FAAH2: variants seen among roughly 807,000 people sequenced by gnomAD.
The protein encoded by FAAH2 is fatty acid amide hydrolase 2, also known as fatty-acid amide hydrolase 2.
A neutral mutation model predicts 36.9 loss-of-function variants in FAAH2; 60 were observed. That is an observed-to-expected ratio of 1.63 (90% confidence interval 1.32 to 2.02). The LOEUF (loss-of-function observed/expected upper bound fraction) is 2.02, where lower values mean the gene tolerates loss of function less well. Ranked by LOEUF, FAAH2 falls within the 30% of genes most tolerant of loss-of-function variation. The pLI, the probability that FAAH2 is intolerant of heterozygous loss-of-function variation, is 0.00. For missense variants in FAAH2, 689 were observed against 397.5 expected (o/e 1.73, Z -6.23); for synonymous variants, 214 against 143.8 (o/e 1.49, Z -3.49).
At chrX:57,476,784 T>C (rs916202009) in intron 10 of FAAH2, among the ~76,000 whole-genome samples, 1 of 111,276 alleles carries the variant, frequency 9.0e-6, no homozygotes, top group African/African-American at 3.3e-5. Flanking sequence ...TTTGTATATA[T>C]GGTAGAATTT....
intron 3 of FAAH2, among the ~76,000 whole-genome samples, chrX:57,318,697 AC>A (rs1029140052): frequency 2.7e-5 from 3 of 111,420 alleles, no homozygotes; most frequent in African/African-American, 9.8e-5. Flanking sequence ...CTGATAACAA[AC>A]CCTGGCAGAG....
At chrX:57,189,295 T>A in the FAAH2 span, among the ~76,000 whole-genome samples, 1 of 110,375 alleles carries the variant, frequency 9.1e-6, no homozygotes, top group South Asian at 3.9e-4. Context: ...TGTAACCTTT[T>A]GTCAAGGTTC....
chrX:57,415,132 G>T (rs1382650831), intron 7 of FAAH2, among the ~76,000 whole-genome samples: 1 of 107,645 alleles, frequency 9.3e-6, no homozygotes. Context: ...TTCTTTATTA[G>T]TCTGGCTAGC....
chrX:57,206,941 C>T, the FAAH2 span, among the ~76,000 whole-genome samples: 1 of 111,604 alleles, frequency 9.0e-6, no homozygotes, highest in Non-Finnish European at 1.9e-5. Context: ...TCCTCTAAAG[C>T]CTCCAGTTTC....
chrX:57,366,216 C>A (rs1390054627), intron 5 of FAAH2, among the ~76,000 whole-genome samples: 3 of 111,031 alleles, frequency 2.7e-5, no homozygotes, highest in African/African-American at 9.8e-5. Context: ...TTGGATGAGG[C>A]TTTTGCTTTT....
Position 57,446,979 on chromosome X carries a change from C to A in FAAH2, c.1168C>A (p.Pro390Thr). 8.3e-7 allele frequency: 1 copy of A among 1,210,259 alleles called. No homozygotes were observed. Among genetic ancestry groups the A allele is most frequent in the Non-Finnish European group, 1.1e-6 (1 of 894,794 alleles). Residue 390 changes from proline to threonine, a missense_variant, in exon 9 of 11, where the codon CCT becomes ACT. Pro to Thr is a conservative substitution (Grantham distance 38). Coordinates refer to ENST00000374900, the MANE Select transcript of FAAH2 (RefSeq NM_174912.4). ...LLGDHGKHVS[P>T]LWELIKWCLG... ...TGGTGACCATGGGAAACATGTCAGT[C>A]CTCTGTGGGAGTTGATCAAATGGTG...
the FAAH2 span, among the ~76,000 whole-genome samples, chrX:57,225,121 T>A: frequency 5.6e-5 from 6 of 106,778 alleles, no homozygotes; most frequent in Non-Finnish European, 8.0e-5. Context: ...TTTCGTAAAA[T>A]TTTTTTTTTC....
chrX:57,429,131 C>A (rs750954348), intron 7 of FAAH2, among the ~76,000 whole-genome samples: 3 of 109,462 alleles, frequency 2.7e-5, no homozygotes, highest in African/African-American at 1.0e-4. Flanking sequence ...GTCAGGAGAT[C>A]GAGACCACCG....
chrX:57,377,315 AT>A (rs2054708742), intron 5 of FAAH2, among the ~76,000 whole-genome samples: 1 of 112,087 alleles, frequency 8.9e-6, no homozygotes, highest in Non-Finnish European at 1.9e-5. Context: ...TGTTGAGTTA[AT>A]TTTTGTATAA....
In FAAH2 at chrX:57,306,690, TTGTGTGTGTG is replaced by T. The variant is rs758466450; in HGVS notation, c.276-3871_276-3862del. Among the ~76,000 whole-genome samples, 312 of 68,563 alleles carry T rather than the reference TTGTGTGTGTG, an allele frequency of 4.6e-3. 2 individuals are homozygous for T. The highest frequency in any genetic ancestry group is 0.011 in the African/African-American group (180 of 15,866). 59.5% of individuals were successfully genotyped at this position (68,563 alleles called of 115,157 possible). A position where few individuals can be genotyped will look rare whatever the true frequency, so the allele number is the denominator to read the frequency against. On this transcript the variant is annotated intron_variant, in intron 2 of 10. Transcript: ENST00000374900. The stretch of plus-strand genomic sequence containing the variant: ...TCAGTACAACGAGACTAGCAACATC[TTGTGTGTGTG>T]TGTGTGTGTGTGTGTGTGTGTGTGT...
At chrX:57,412,377 C>T (rs2055722112) in intron 7 of FAAH2, among the ~76,000 whole-genome samples, 1 of 110,988 alleles carries the variant, frequency 9.0e-6, no homozygotes, top group Non-Finnish European at 1.9e-5. Context: ...CCCCTAGCAC[C>T]CCACCCTATG....
chrX:57,248,483 G>T, the FAAH2 span, among the ~76,000 whole-genome samples: 1 of 111,199 alleles, frequency 9.0e-6, no homozygotes, highest in Non-Finnish European at 1.9e-5. Flanking sequence ...GCCAGGCATG[G>T]TGGCTCACGC....
At chrX:57,210,652 A>T in the FAAH2 span, among the ~76,000 whole-genome samples, 1 of 112,713 alleles carries the variant, frequency 8.9e-6, no homozygotes, top group Non-Finnish European at 1.9e-5. Context: ...AGCATAACAG[A>T]GGTAAGAGGC....
At chrX:57,407,619 G>A (rs1215836493) in intron 7 of FAAH2, among the ~76,000 whole-genome samples, 2 of 111,382 alleles carry the variant, frequency 1.8e-5, no homozygotes, top group Admixed American at 9.5e-5. Context: ...CTTTCCACTC[G>A]GGGTGACTGC....
chrX:57,458,023 A>G (rs931008123), intron 10 of FAAH2, among the ~76,000 whole-genome samples: 27 of 112,199 alleles, frequency 2.4e-4, no homozygotes, highest in African/African-American at 8.8e-4. Context: ...ATACAGAAGC[A>G]TCACATTGCC....
the FAAH2 span, among the ~76,000 whole-genome samples, chrX:57,221,888 C>T: frequency 1.2e-3 from 138 of 110,661 alleles, no homozygotes; most frequent in African/African-American, 4.5e-3. Flanking sequence ...GGCCCTTGCT[C>T]ATGACCTCTG....
At chrX:57,159,316 T>TTG in the FAAH2 span, among the ~76,000 whole-genome samples, 1 of 111,912 alleles carries the variant, frequency 8.9e-6, no homozygotes, top group Admixed American at 9.5e-5. Context: ...TTGACTTGGC[T>TTG]ATGCGGGCTG....
intron 10 of FAAH2, among the ~76,000 whole-genome samples, chrX:57,460,693 A>G (rs1487108808): frequency 8.9e-6 from 1 of 111,941 alleles, no homozygotes; most frequent in African/African-American, 3.3e-5. Context: ...GCCACTGCAA[A>G]AATACACCAA....
At chrX:57,312,521 G>GA (rs997223900) in intron 3 of FAAH2, among the ~76,000 whole-genome samples, 14 of 109,009 alleles carry the variant, frequency 1.3e-4, no homozygotes, top group Admixed American at 9.8e-4. Flanking sequence ...AAAAATACAA[G>GA]AAAAAAAAAT....
Sources: gnomAD v4.1 joint callset for allele counts (sites outside exome capture counted in the v4.1 genomes callset) on GRCh38, gnomAD v4.1.1 for gene constraint, MANE v1.5 for transcripts, NCBI Gene and HGNC (gene_info 2026-07-23, HGNC 2026-07-21) for gene names.